The following PLPPR1 variants were observed in gnomAD, a reference collection of about 807,000 sequenced individuals.
PLPPR1 encodes the protein phospholipid phosphatase-related protein type 1.
In PLPPR1, 10 loss-of-function variants were observed where a neutral mutation model predicts 33.1. The ratio of observed to expected loss-of-function variants is 0.30; its 90% CI spans 0.19 to 0.51. PLPPR1 has a LOEUF of 0.51. Ranked by LOEUF, PLPPR1 falls within the 20% of genes least tolerant of loss-of-function variation. The probability of loss-of-function intolerance (pLI) is 0.97; values close to 1 mark genes in which losing one functional copy is unlikely to be tolerated. For synonymous variants in PLPPR1, 151 were observed against 151.0 expected, an observed-to-expected ratio of 1.00 and a Z score of 0.00; for missense variants, 304 against 408.1, an observed-to-expected ratio of 0.74 and a Z score of 2.20.
At position 101,062,029 on chromosome 9, in the gene PLPPR1, A is replaced by G. The variant is rs116931729; in HGVS notation, c.-46+32927A>G. On this transcript the variant is annotated intron_variant, in intron 1 of 7. Transcript: ENST00000374874. Reference sequence around the variant, plus strand: ...TTTGTTCATCAGGTGATATAATTGCATAGGTAAAGGCTAAAGTAGCCAAAA... The same window carrying G: ...TTTGTTCATCAGGTGATATAATTGCGTAGGTAAAGGCTAAAGTAGCCAAAA... Among the ~76,000 whole-genome samples the G allele has an allele frequency of 9.1e-3, 1,382 of 152,152 alleles. 64 individuals carry two copies. In the East Asian group the frequency reaches 0.14, roughly 16 times the overall value.
intron 1 of PLPPR1, among the ~76,000 whole-genome samples, chr9:101,038,592 T>G (rs546998464): frequency 6.6e-6 from 1 of 152,258 alleles, no homozygotes; most frequent in East Asian, 1.9e-4. Context: ...CAACTGGTGA[T>G]TGAAGAGGCT....
chr9:101,254,012 CATA>C (rs1309319973), intron 2 of PLPPR1, among the ~76,000 whole-genome samples: 1 of 152,020 alleles, frequency 6.6e-6, no homozygotes, highest in East Asian at 1.9e-4. Context: ...GTCAGTAGAA[CATA>C]ATGATTAAGA....
At chr9:101,312,031 A>T (rs1488164955) in intron 5 of PLPPR1, among the ~76,000 whole-genome samples, 7 of 152,202 alleles carry the variant, frequency 4.6e-5, no homozygotes, top group Admixed American at 4.6e-4. Flanking sequence ...AACTAATAAC[A>T]GCCGCCTACA....
chr9:101,078,505 G>A (rs1205007188), intron 1 of PLPPR1, among the ~76,000 whole-genome samples: 3 of 151,988 alleles, frequency 2.0e-5, no homozygotes, highest in Non-Finnish European at 1.5e-5. Context: ...TCCATGTTGA[G>A]ATTGGCCTTA....
intron 1 of PLPPR1, among the ~76,000 whole-genome samples, chr9:101,170,989 G>A (rs1355551565): frequency 6.6e-6 from 1 of 152,064 alleles, no homozygotes; most frequent in Non-Finnish European, 1.5e-5. Flanking sequence ...TGAAAAACAG[G>A]CAGACATTTT....
chr9:101,214,888 TG>T, intron 2 of PLPPR1, among the ~76,000 whole-genome samples: 1 of 152,022 alleles, frequency 6.6e-6, no homozygotes, highest in East Asian at 1.9e-4. Flanking sequence ...CCAGGCATGG[TG>T]GCAGGCACTT....
chr9:101,309,995 T>C (rs1828927129), intron 5 of PLPPR1, among the ~76,000 whole-genome samples: 3 of 152,162 alleles, frequency 2.0e-5, no homozygotes, highest in African/African-American at 7.2e-5. Flanking sequence ...ACAGGGATGA[T>C]CCTAGAAAAA....
intron 4 of PLPPR1, among the ~76,000 whole-genome samples, chr9:101,305,348 G>C (rs1828839085): frequency 6.6e-6 from 1 of 152,082 alleles, no homozygotes; most frequent in African/African-American, 2.4e-5. Context: ...GTGTCATTTG[G>C]CCAACTTTCC....
intron 7 of PLPPR1, among the ~76,000 whole-genome samples, chr9:101,318,534 G>A (rs570374950): frequency 6.6e-6 from 1 of 152,314 alleles, no homozygotes; most frequent in East Asian, 1.9e-4. Context: ...CACATTGGGA[G>A]GCCAAGGCAG....
chr9:101,250,497 T>C (rs1827696265), intron 2 of PLPPR1, among the ~76,000 whole-genome samples: 1 of 152,086 alleles, frequency 6.6e-6, no homozygotes, highest in Admixed American at 6.6e-5. Flanking sequence ...ATTGCTTCCC[T>C]AGAGCCCTCC....
intron 2 of PLPPR1, among the ~76,000 whole-genome samples, chr9:101,196,076 T>C (rs1826388551): frequency 1.3e-5 from 2 of 152,258 alleles, no homozygotes; most frequent in Admixed American, 6.5e-5. Context: ...TTTCTGTCAC[T>C]GAATTAATCC....
Position 101,145,589 on chromosome 9 carries a change from C to T in PLPPR1, c.-45-39861C>T, listed in dbSNP as rs1284895096. On this transcript the variant is annotated intron_variant, in intron 1 of 7. Coordinates refer to ENST00000374874, the MANE Select transcript of PLPPR1 (RefSeq NM_207299.2). ...TAGAGACGGGTTTCACCATGTTGGC[C>T]AGGCTAGTCTCGAACTCCTGACCTC... is the stretch of plus-strand genomic sequence containing the variant. Among the ~76,000 whole-genome samples, 6 of 152,048 alleles carry T rather than the reference C, an allele frequency of 3.9e-5. No homozygotes were observed. In the East Asian group the frequency reaches 9.7e-4, roughly 24 times the overall value.
chr9:101,076,823 T>G (rs897014236), intron 1 of PLPPR1, among the ~76,000 whole-genome samples: 1 of 152,248 alleles, frequency 6.6e-6, no homozygotes, highest in Admixed American at 6.5e-5. Flanking sequence ...ATAAAATTCC[T>G]CTGGATATTT....
chr9:101,096,235 G>T (rs1290989877), intron 1 of PLPPR1, among the ~76,000 whole-genome samples: 2 of 152,176 alleles, frequency 1.3e-5, no homozygotes, highest in East Asian at 3.9e-4. Context: ...CATCAGGAAA[G>T]GGCCTGGGGG....
At chr9:101,284,557 T>A (rs1007183646) in intron 3 of PLPPR1, among the ~76,000 whole-genome samples, 3 of 152,200 alleles carry the variant, frequency 2.0e-5, no homozygotes. Context: ...ATATGTTAAT[T>A]AGCTAGATTT....
At chr9:101,172,824 G>T (rs1318433399) in intron 1 of PLPPR1, among the ~76,000 whole-genome samples, 2 of 152,056 alleles carry the variant, frequency 1.3e-5, no homozygotes, top group African/African-American at 4.8e-5. Flanking sequence ...ATACTCTCCA[G>T]ACTATAAGCT....
intron 2 of PLPPR1, among the ~76,000 whole-genome samples, chr9:101,258,411 C>T (rs1827838783): frequency 1.3e-5 from 2 of 152,126 alleles, no homozygotes; most frequent in Admixed American, 1.3e-4. Flanking sequence ...TTTCTCTCAT[C>T]CCTCTGAGGG....
intron 1 of PLPPR1, among the ~76,000 whole-genome samples, chr9:101,074,062 T>C (rs1830509915): frequency 6.6e-6 from 1 of 152,142 alleles, no homozygotes; most frequent in African/African-American, 2.4e-5. Flanking sequence ...ACTCAGGCCT[T>C]GCCATAGTAA....
chr9:101,318,999 CTT>C (rs1200941042), intron 7 of PLPPR1, among the ~76,000 whole-genome samples: 1 of 152,100 alleles, frequency 6.6e-6, no homozygotes, highest in Non-Finnish European at 1.5e-5. Flanking sequence ...ATCGTAAAAT[CTT>C]GTTTGCATTT....
Sources: allele counts gnomAD v4.1 joint callset (sites outside exome capture counted in the v4.1 genomes callset), GRCh38; gene constraint gnomAD v4.1.1; transcripts MANE v1.5; gene names NCBI Gene and HGNC (gene_info 2026-07-23, HGNC 2026-07-21).